Variants in SLC30A9 observed in about 807,000 individuals in gnomAD.
SLC30A9 encodes the protein proton-coupled zinc antiporter SLC30A9, mitochondrial.
In SLC30A9, 58 loss-of-function variants were observed where a neutral mutation model predicts 87.5. The ratio of observed to expected loss-of-function variants is 0.66; its 90% CI spans 0.54 to 0.82. The LOEUF is 0.82. Ranked by LOEUF, SLC30A9 falls within the 40% of genes least tolerant of loss-of-function variation. The pLI is 0.00. For missense variants in SLC30A9, 557 were observed against 679.1 expected (o/e 0.82, Z 2.00); for synonymous variants, 234 against 233.0 (o/e 1.00, Z -0.04).
At chr4:42,033,860 C>T (rs1485346675) in intron 6 of SLC30A9, among the ~76,000 whole-genome samples, 2 of 152,206 alleles carry the variant, frequency 1.3e-5, no homozygotes, top group Non-Finnish European at 2.9e-5. Flanking sequence ...CAGGCATGAG[C>T]CACCGTGCCC....
At chr4:42,016,905 G>T (rs140817840) in intron 2 of SLC30A9, among the ~76,000 whole-genome samples, 1 of 152,142 alleles carries the variant, frequency 6.6e-6, no homozygotes, top group Non-Finnish European at 1.5e-5. Flanking sequence ...GAACACTCAT[G>T]TACCTCTGTC....
intron 16 of SLC30A9, among the ~76,000 whole-genome samples, chr4:42,077,466 G>A (rs1224247236): frequency 2.0e-5 from 3 of 151,854 alleles, no homozygotes; most frequent in South Asian, 2.1e-4. Context: ...GTGCAGTGGC[G>A]CGATCTTGGC....
intron 2 of SLC30A9, among the ~76,000 whole-genome samples, chr4:42,016,845 GGGCATTT>G (rs1715744024): frequency 6.6e-6 from 1 of 152,028 alleles, no homozygotes; most frequent in Non-Finnish European, 1.5e-5. Flanking sequence ...TCTTGCTAAT[GGGCATTT>G]GGGTTGTTGC....
At chr4:42,065,241 G>T in intron 11 of SLC30A9, 69 bp from the exon 12 acceptor site, 1 of 833,236 alleles carries the variant, frequency 1.2e-6, no homozygotes. Context: ...AGACATTACG[G>T]ACTTTATATA....
chr4:42,002,118 C>G (rs1715010927), intron 2 of SLC30A9, among the ~76,000 whole-genome samples: 1 of 149,008 alleles, frequency 6.7e-6, no homozygotes, highest in Non-Finnish European at 1.5e-5. Flanking sequence ...GCTAGTCTTC[C>G]CAGAGGTTTG....
chr4:42,080,408 C>A (rs188697976), intron 17 of SLC30A9, among the ~76,000 whole-genome samples: 1 of 152,314 alleles, frequency 6.6e-6, no homozygotes, highest in Admixed American at 6.5e-5. Context: ...GTGCATAGGG[C>A]AGGGTCCAGG....
chr4:42,069,440 CATTTGGATTTCTAAAGAGCAGTAT>C (rs1310069687), intron 14 of SLC30A9, among the ~76,000 whole-genome samples: 3 of 152,144 alleles, frequency 2.0e-5, no homozygotes, highest in Non-Finnish European at 4.4e-5. Context: ...TAACTCTTCA[CATTTGGATTTCTAAAGAGCAGTAT>C]TTGATTTTGA....
In SLC30A9 at chr4:41,998,752, T is replaced by C. The variant is rs10212799; in HGVS notation, c.110-2864T>C. On this transcript the variant is annotated intron_variant, in intron 1 of 17. Coordinates refer to ENST00000264451, the MANE Select transcript of SLC30A9 (RefSeq NM_006345.4). ...GTGTTGGGATTACAGGCATGAGCCA[T>C]GCACCCTGCGGAATTCAGTAATTCT... Among the ~76,000 whole-genome samples, 366 of 152,226 alleles carry C rather than the reference T, an allele frequency of 2.4e-3. 1 individual carries two copies. Among genetic ancestry groups the C allele is most frequent in the African/African-American group, 8.3e-3 (344 of 41,564 alleles).
chr4:42,015,930 G>A (rs976716508), intron 2 of SLC30A9, among the ~76,000 whole-genome samples: 4 of 151,938 alleles, frequency 2.6e-5, no homozygotes, highest in African/African-American at 7.3e-5. Context: ...AATACAGGAA[G>A]GTGGTTAAGA....
intron 6 of SLC30A9, among the ~76,000 whole-genome samples, chr4:42,027,032 A>G (rs935122776): frequency 2.0e-5 from 3 of 152,158 alleles, no homozygotes; most frequent in Admixed American, 1.3e-4. Context: ...ACAACAACCT[A>G]TGTCCCTGGC....
At chr4:42,012,495 T>G (rs541476521) in intron 2 of SLC30A9, among the ~76,000 whole-genome samples, 1 of 152,248 alleles carries the variant, frequency 6.6e-6, no homozygotes, top group Admixed American at 6.5e-5. Flanking sequence ...ACATAGTAGG[T>G]GTATATATGG....
At chr4:41,994,775 C>T (rs1714619341) in intron 1 of SLC30A9, among the ~76,000 whole-genome samples, 1 of 146,696 alleles carries the variant, frequency 6.8e-6, no homozygotes, top group South Asian at 2.2e-4. Context: ...GTAATGACAG[C>T]TACTCAGGAG....
chr4:42,022,275 C>T (rs1001204673), intron 4 of SLC30A9, among the ~76,000 whole-genome samples: 1 of 133,634 alleles, frequency 7.5e-6, no homozygotes, highest in Non-Finnish European at 1.6e-5. Flanking sequence ...TCTCCTAGGC[C>T]GAAGTACAGT....
chr4:42,051,450 A>G (rs991157441), intron 9 of SLC30A9, among the ~76,000 whole-genome samples: 1 of 152,226 alleles, frequency 6.6e-6, no homozygotes, highest in Non-Finnish European at 1.5e-5. Context: ...TCGGAAGCAG[A>G]CTAAACAGAT....
chr4:42,073,368 T>C (rs1718393875), intron 15 of SLC30A9, among the ~76,000 whole-genome samples: 1 of 152,224 alleles, frequency 6.6e-6, no homozygotes, highest in South Asian at 2.1e-4. Context: ...ATTCGAAATT[T>C]TGTGGAAGAG....
At chr4:42,064,057 G>C (rs972918255) in intron 11 of SLC30A9, among the ~76,000 whole-genome samples, 1 of 152,190 alleles carries the variant, frequency 6.6e-6, no homozygotes, top group African/African-American at 2.4e-5. Flanking sequence ...TAGTAGGCTT[G>C]CGTATGGATG....
chr4:42,047,482 T>A (rs896104906), intron 8 of SLC30A9, among the ~76,000 whole-genome samples: 2 of 152,182 alleles, frequency 1.3e-5, no homozygotes, highest in Admixed American at 6.5e-5. Flanking sequence ...GGAAAAAAGC[T>A]CATCATCACT....
rs1714639244 is a variant in SLC30A9 at position 41,995,063 on chromosome 4, G to A, written c.109+4303G>A. 2.0e-5 allele frequency among the ~76,000 whole-genome samples: 3 copies of A among 151,886 alleles called. No homozygotes were observed. The South Asian group carries it at 6.2e-4, about 32-fold the overall frequency. On this transcript the variant is annotated intron_variant, in intron 1 of 17. Coordinates refer to ENST00000264451, the MANE Select transcript of SLC30A9 (RefSeq NM_006345.4). ...ACCTGAGGTCAGGAGTTCTAGACCA[G>A]CCTGGCCAACATGGCAAAAACCTGT...
At chr4:42,036,230 T>A (rs1716671941) in intron 7 of SLC30A9, among the ~76,000 whole-genome samples, 1 of 152,186 alleles carries the variant, frequency 6.6e-6, no homozygotes, top group African/African-American at 2.4e-5. Context: ...TGCTTCATAT[T>A]TTATTGAAAA....
Sources: allele counts gnomAD v4.1 joint callset (sites outside exome capture counted in the v4.1 genomes callset), GRCh38; gene constraint gnomAD v4.1.1; transcripts MANE v1.5; gene names NCBI Gene and HGNC (gene_info 2026-07-23, HGNC 2026-07-21).